RNLS: variants seen among roughly 807,000 people sequenced by gnomAD.
RNLS encodes renalase.
In RNLS, 39 loss-of-function variants were observed where a neutral mutation model predicts 39.8. That is an observed-to-expected ratio of 0.98 (90% CI 0.76 to 1.28). The LOEUF is 1.28. RNLS is among the 50% of genes most tolerant of loss of function. RNLS has a pLI of 0.00. For missense variants in RNLS, 410 were observed against 413.3 expected, an observed-to-expected ratio of 0.99 and a Z score of 0.07; for synonymous variants, 147 against 150.7, an observed-to-expected ratio of 0.98 and a Z score of 0.18.
At chr10:88,210,393 A>G in the RNLS span, among the ~76,000 whole-genome samples, 2 of 152,204 alleles carry the variant, frequency 1.3e-5, no homozygotes, top group East Asian at 1.9e-4. Context: ...AATAGTGTGG[A>G]TCATGTTAGT....
chr10:88,338,158 C>A (rs1024897714), intron 5 of RNLS, among the ~76,000 whole-genome samples: 1 of 152,292 alleles, frequency 6.6e-6, no homozygotes, highest in Admixed American at 6.5e-5. Flanking sequence ...TCCTTCCCAA[C>A]CACTCCTTGA....
intron 4 of RNLS, among the ~76,000 whole-genome samples, chr10:88,504,383 T>C (rs2477954): frequency 0.28 from 42,981 of 151,962 alleles, 7,343 homozygotes; most frequent in East Asian, 0.46. Flanking sequence ...AAAGAATGTA[T>C]AATGAATAAT....
At chr10:88,548,440 G>A (rs576347910) in intron 4 of RNLS, among the ~76,000 whole-genome samples, 23 of 149,302 alleles carry the variant, frequency 1.5e-4, no homozygotes, top group African/African-American at 4.9e-4. Context: ...AGGAGTTCAA[G>A]ACCCGCTGGC....
At chr10:88,307,058 T>C (rs954289123) in intron 6 of RNLS, among the ~76,000 whole-genome samples, 9 of 152,150 alleles carry the variant, frequency 5.9e-5, no homozygotes, top group African/African-American at 1.7e-4. Context: ...TGAACAGAAC[T>C]AAATACAAAA....
At chr10:88,442,355 T>G (rs1039195821) in intron 4 of RNLS, among the ~76,000 whole-genome samples, 1 of 152,176 alleles carries the variant, frequency 6.6e-6, no homozygotes, top group Non-Finnish European at 1.5e-5. Flanking sequence ...TTCCCTTATA[T>G]TCACATGATT....
intron 4 of RNLS, among the ~76,000 whole-genome samples, chr10:88,538,982 T>G (rs1351666693): frequency 2.6e-5 from 4 of 152,132 alleles, no homozygotes; most frequent in Non-Finnish European, 5.9e-5. Context: ...AGTCCCTCTT[T>G]AATGGGGTGA....
the RNLS span, among the ~76,000 whole-genome samples, chr10:88,240,413 T>TA: frequency 6.5e-4 from 97 of 150,258 alleles, no homozygotes; most frequent in African/African-American, 1.9e-3. Context: ...GTCCTTTTTT[T>TA]AAAAAAAAAA....
the RNLS span, among the ~76,000 whole-genome samples, chr10:88,191,400 A>T: frequency 6.6e-6 from 1 of 150,752 alleles, no homozygotes. Context: ...ATTTTAATTA[A>T]TTTTTTTCAT....
intron 4 of RNLS, among the ~76,000 whole-genome samples, chr10:88,456,354 GAT>G (rs1452452922): frequency 6.6e-6 from 1 of 150,946 alleles, no homozygotes; most frequent in East Asian, 1.9e-4. Flanking sequence ...TTTTCTTGAT[GAT>G]ATATATAATA....
chr10:88,250,332 T>G, the RNLS span, among the ~76,000 whole-genome samples: 8 of 152,256 alleles, frequency 5.3e-5, no homozygotes, highest in South Asian at 8.3e-4. Context: ...CATTTTGCAC[T>G]TAACACCCTG....
intron 4 of RNLS, among the ~76,000 whole-genome samples, chr10:88,460,841 C>T (rs1007867182): frequency 3.3e-5 from 5 of 152,146 alleles, no homozygotes; most frequent in African/African-American, 1.2e-4. Flanking sequence ...TTACACTGAA[C>T]TTCAGTTGAT....
intron 4 of RNLS, among the ~76,000 whole-genome samples, chr10:88,453,393 C>T (rs1842459013): frequency 6.6e-6 from 1 of 152,234 alleles, no homozygotes; most frequent in Non-Finnish European, 1.5e-5. Flanking sequence ...AAAGGCCTGT[C>T]CCTTTGCTTC....
downstream of RNLS, among the ~76,000 whole-genome samples, chr10:88,269,092 A>G (rs1375783529): frequency 6.6e-6 from 1 of 152,238 alleles, no homozygotes; most frequent in Non-Finnish European, 1.5e-5. Context: ...TCTATAATAA[A>G]GATCAGTGAA....
At chr10:88,283,797 G>C (rs1050359600), downstream of RNLS, among the ~76,000 whole-genome samples, 5 of 151,998 alleles carry the variant, frequency 3.3e-5, no homozygotes, top group Admixed American at 1.3e-4. Context: ...AACAGAAAGT[G>C]GGGCCTACCT....
the RNLS span, among the ~76,000 whole-genome samples, chr10:88,224,209 G>A: frequency 1.3e-5 from 2 of 152,112 alleles, no homozygotes; most frequent in Non-Finnish European, 2.9e-5. Flanking sequence ...TCAAGGTGGC[G>A]GTAGGTTCAG....
intron 5 of RNLS, among the ~76,000 whole-genome samples, chr10:88,327,339 G>A (rs1846693940): frequency 1.3e-5 from 2 of 152,188 alleles, no homozygotes; most frequent in South Asian, 2.1e-4. Context: ...AGAGACTGAT[G>A]TGAGGTGATT....
chr10:88,403,687 A>T (rs76525697), intron 4 of RNLS, among the ~76,000 whole-genome samples: 2 of 152,020 alleles, frequency 1.3e-5, no homozygotes, highest in East Asian at 3.9e-4. Flanking sequence ...TAATTAAAGG[A>T]TTCTTGTAGC....
intron 3 of RNLS, among the ~76,000 whole-genome samples, chr10:88,577,587 T>C (rs978205723): frequency 5.9e-5 from 9 of 152,164 alleles, no homozygotes; most frequent in Non-Finnish European, 7.4e-5. Flanking sequence ...TAATAACTGA[T>C]AGCTAGAATC....
intron 4 of RNLS, among the ~76,000 whole-genome samples, chr10:88,512,713 A>G (rs996609668): frequency 6.6e-6 from 1 of 151,868 alleles, no homozygotes; most frequent in Admixed American, 6.6e-5. Context: ...TGCATCTTAC[A>G]CTCCAACTAC....
Sources: allele counts gnomAD v4.1 joint callset (sites outside exome capture counted in the v4.1 genomes callset), GRCh38; gene constraint gnomAD v4.1.1; transcripts MANE v1.5; gene names NCBI Gene and HGNC (gene_info 2026-07-23, HGNC 2026-07-21).